The following TECTB variants were observed in gnomAD, a reference collection of about 807,000 sequenced individuals.
The protein encoded by TECTB is tectorin beta.
TECTB carries 45 observed loss-of-function variants against 43.3 expected under a neutral mutation model. That is an observed-to-expected ratio of 1.04 (90% CI 0.82 to 1.33). The LOEUF is 1.33. Among genes scored for constraint, TECTB ranks in the 40% most tolerant of loss-of-function variants. The pLI is 0.00. For synonymous variants in TECTB, 169 were observed against 156.7 expected, an observed-to-expected ratio of 1.08 and a Z score of -0.59; for missense variants, 399 against 404.7, an observed-to-expected ratio of 0.99 and a Z score of 0.12.
At chr10:112,287,242 C>A (rs544609733) in intron 5 of TECTB, among the ~76,000 whole-genome samples, 1 of 152,350 alleles carries the variant, frequency 6.6e-6, no homozygotes, top group African/African-American at 2.4e-5. Flanking sequence ...TTAATTTGGG[C>A]AGGCTGCCCA....
At chr10:112,287,923 T>C (rs961038281) in intron 5 of TECTB, among the ~76,000 whole-genome samples, 3 of 152,186 alleles carry the variant, frequency 2.0e-5, no homozygotes, top group Non-Finnish European at 2.9e-5. Context: ...GATCTGCCCC[T>C]AGCCACACAC....
At chr10:112,298,979 C>G (rs1280037672) in intron 8 of TECTB, among the ~76,000 whole-genome samples, 2 of 152,064 alleles carry the variant, frequency 1.3e-5, no homozygotes, top group African/African-American at 4.8e-5. Context: ...TTTCATTTGG[C>G]CAGAAAATGG....
chr10:112,298,049 T>A lies in TECTB; in HGVS notation c.672-20T>A. ...GTTCAAGGAGATGACAGTTCACTCTTCTTTCCCCATCTGCCTCAGCTGCCC... is the reference window on the plus strand; with the variant it reads ...GTTCAAGGAGATGACAGTTCACTCTACTTTCCCCATCTGCCTCAGCTGCCC... On this transcript the variant is annotated intron_variant, in intron 7 of 10. Transcript: ENST00000646139. The A allele has an allele frequency of 6.2e-7, 1 of 1,613,984 alleles. No homozygotes were observed. The highest frequency in any genetic ancestry group is 8.5e-7 in the Non-Finnish European group (1 of 1,179,988).
chr10:112,298,110 G>A lies in TECTB; in HGVS notation c.713G>A (p.Arg238Lys), dbSNP rs749200381. Reference protein sequence around the residue: ...DETVLVHENGRDHRATFQFNA... With the variant: ...DETVLVHENGKDHRATFQFNA... ...ACCGTCCTCGTGCATGAGAATGGGA[G>A]AGATCACAGGGCAACCTTCCAATTC... Residue 238 changes from arginine (R) to lysine (K), a missense_variant, in exon 8 of 11, where the codon AGA becomes AAA. Coordinates refer to ENST00000646139, the MANE Select transcript of TECTB (RefSeq NM_058222.3). 5.0e-6 allele frequency: 8 copies of A among 1,614,218 alleles called. No individual in the cohort carries two copies. The South Asian group carries it at 7.7e-5, about 16-fold the overall frequency.
At chr10:112,287,622 A>G (rs1848465383) in intron 5 of TECTB, among the ~76,000 whole-genome samples, 1 of 152,210 alleles carries the variant, frequency 6.6e-6, no homozygotes, top group Admixed American at 6.5e-5. Flanking sequence ...TGCTGAACTC[A>G]GAAGGCGAGA....
At chr10:112,287,181 C>A (rs1036811098) in intron 5 of TECTB, among the ~76,000 whole-genome samples, 9 of 152,198 alleles carry the variant, frequency 5.9e-5, no homozygotes, top group African/African-American at 1.9e-4. Context: ...TCGGCCTCCA[C>A]TGCCTAATTC....
At chr10:112,293,659 T>C (rs1848518907) in intron 5 of TECTB, 79 bp from the exon 6 acceptor site, 1 of 1,285,888 alleles carries the variant, frequency 7.8e-7, no homozygotes, top group Non-Finnish European at 1.1e-6. Context: ...CCCCACCCCA[T>C]CCCAATTCAT....
At chr10:112,290,763 A>T (rs1484415524) in intron 5 of TECTB, among the ~76,000 whole-genome samples, 2 of 152,218 alleles carry the variant, frequency 1.3e-5, no homozygotes, top group Non-Finnish European at 2.9e-5. Flanking sequence ...TAGATCCCTT[A>T]TGATTAAGAA....
chr10:112,302,458 A>C, intron 10 of TECTB: 1 of 421,798 alleles, frequency 2.4e-6, no homozygotes, highest in Non-Finnish European at 4.1e-6. Flanking sequence ...TGATCTGTTC[A>C]TTCAACAAAT....
intron 7 of TECTB, among the ~76,000 whole-genome samples, chr10:112,297,543 T>C (rs1848559432): frequency 6.6e-6 from 1 of 152,186 alleles, no homozygotes; most frequent in Non-Finnish European, 1.5e-5. Flanking sequence ...ATATTAAAAA[T>C]GTGACCACAT....
intron 7 of TECTB, 42 bp from the exon 8 acceptor site, chr10:112,298,027 C>G (rs923589263): frequency 3.7e-6 from 6 of 1,612,430 alleles, no homozygotes. Context: ...TGCTGGAGTT[C>G]AAGGAGATGA....
At chr10:112,296,991 C>A (rs1848553282) in intron 7 of TECTB, among the ~76,000 whole-genome samples, 1 of 152,292 alleles carries the variant, frequency 6.6e-6, no homozygotes, top group East Asian at 1.9e-4. Flanking sequence ...AGATAACAAA[C>A]CCCCACAATA....
chr10:112,301,640 G>A (rs1383020413), intron 9 of TECTB, among the ~76,000 whole-genome samples: 1 of 152,186 alleles, frequency 6.6e-6, no homozygotes, highest in African/African-American at 2.4e-5. Flanking sequence ...AGCGTTGTGA[G>A]ATGAAACTTT....
intron 5 of TECTB, among the ~76,000 whole-genome samples, chr10:112,291,653 C>T (rs1328961840): frequency 6.6e-6 from 1 of 152,248 alleles, no homozygotes; most frequent in African/African-American, 2.4e-5. Context: ...GAAACTCAAT[C>T]TTTCAAACAG....
At chr10:112,294,199 G>A (rs1340439474) in intron 7 of TECTB, 138 bp downstream of exon 7, 1 of 719,626 alleles carries the variant, frequency 1.4e-6, no homozygotes, top group Non-Finnish European at 2.4e-6. Context: ...TGTGGTTCCA[G>A]GCAAAGAACA....
rs982026388 is a variant in TECTB at position 112,303,908 on chromosome 10, CT to C, written c.*597del. On this transcript the variant is annotated 3_prime_UTR_variant, in exon 11 of 11. Coordinates refer to ENST00000646139, the MANE Select transcript of TECTB (RefSeq NM_058222.3). ...AAAGGAAATAGATTCTTGAAAGCCC[CT>C]AGTACTGACCTAATTTGTTTTTATT... 3 of 152,428 alleles carry C rather than the reference CT, an allele frequency of 2.0e-5. No homozygotes were observed. Among genetic ancestry groups the C allele is most frequent in the African/African-American group, 7.2e-5 (3 of 41,434 alleles). The allele number at this position is 152,428 out of a possible 1,614,324, so 9.4% of individuals were successfully genotyped here.
Position 112,299,567 on chromosome 10 carries a change from A to C in TECTB, c.907+3A>C, listed in dbSNP as rs751430774. The C allele has an allele frequency of 2.8e-5, 44 of 1,561,904 alleles. No homozygotes were observed. The highest frequency in any genetic ancestry group is 3.6e-5 in the Non-Finnish European group (42 of 1,159,646). The stretch of plus-strand genomic sequence containing the variant: ...GGTCGTGGAGCTCTCCCTGCGGAGT[A>C]AGCGTCTCTGTTTTCCTCTGTTTTC... On this transcript the variant is annotated splice_donor_region_variant and intron_variant, in intron 9 of 10. Transcript: ENST00000646139.
chr10:112,296,920 G>A (rs1331532843), intron 7 of TECTB, among the ~76,000 whole-genome samples: 2 of 152,094 alleles, frequency 1.3e-5, no homozygotes, highest in Admixed American at 1.3e-4. Context: ...GTGGTCTGAC[G>A]CTTTCGAAAC....
chr10:112,286,254 G>GT, intron 4 of TECTB, 41 bp downstream of exon 4: 1 of 1,614,046 alleles, frequency 6.2e-7, no homozygotes, highest in Non-Finnish European at 8.5e-7. Context: ...TGCCTCATGT[G>GT]TGTACTGCAG....
Sources: allele counts gnomAD v4.1 joint callset (sites outside exome capture counted in the v4.1 genomes callset), GRCh38; gene constraint gnomAD v4.1.1; transcripts MANE v1.5; gene names NCBI Gene and HGNC (gene_info 2026-07-23, HGNC 2026-07-21).